Variants in RRAS2 observed in about 807,000 individuals in gnomAD.
RRAS2 encodes the protein RAS related 2.
RRAS2 carries 7 observed loss-of-function variants against 27.6 expected under a neutral mutation model. The ratio of observed to expected loss-of-function variants is 0.25; its 90% CI spans 0.14 to 0.48. RRAS2 has a LOEUF of 0.48. RRAS2 is among the 20% of genes least tolerant of loss of function. RRAS2 has a pLI of 0.99. For missense variants in RRAS2, 178 were observed against 256.2 expected (o/e 0.69, Z 2.08); for synonymous variants, 86 against 90.9 (o/e 0.95, Z 0.31).
intron 1 of RRAS2, among the ~76,000 whole-genome samples, chr11:14,351,831 G>T (rs1554954835): frequency 1.4e-5 from 2 of 147,840 alleles, no homozygotes; most frequent in East Asian, 4.1e-4. Context: ...GGAGGCGGAG[G>T]TTGCAATGAG....
At chr11:14,341,087 A>C (rs1200285613) in intron 1 of RRAS2, among the ~76,000 whole-genome samples, 1 of 152,206 alleles carries the variant, frequency 6.6e-6, no homozygotes, top group African/African-American at 2.4e-5. Flanking sequence ...CCACCAAAAG[A>C]GTGGCAGCAC....
intron 1 of RRAS2, among the ~76,000 whole-genome samples, chr11:14,322,718 T>C (rs1478339834): frequency 1.3e-5 from 2 of 152,214 alleles, no homozygotes; most frequent in Non-Finnish European, 2.9e-5. Flanking sequence ...CTTGAACTTA[T>C]TAGGGAAGTA....
At chr11:14,310,607 C>A (rs1564965242) in intron 1 of RRAS2, among the ~76,000 whole-genome samples, 1 of 152,102 alleles carries the variant, frequency 6.6e-6, no homozygotes, top group South Asian at 2.1e-4. Flanking sequence ...ATGACATTTA[C>A]TATATACCAG....
At chr11:14,306,878 T>G (rs1236258692) in intron 1 of RRAS2, among the ~76,000 whole-genome samples, 1 of 134,514 alleles carries the variant, frequency 7.4e-6, no homozygotes, top group African/African-American at 2.7e-5. Flanking sequence ...CATCATTATT[T>G]TATGTGCCAA....
At position 14,300,604 on chromosome 11, in the gene RRAS2, T is replaced by A. The variant is rs536658055; in HGVS notation, c.109-4749A>T. Among the ~76,000 whole-genome samples, 36 of 152,020 alleles carry A rather than the reference T, an allele frequency of 2.4e-4. 1 individual carries two copies. The South Asian group carries it at 7.5e-3, about 32-fold the overall frequency. On this transcript the variant is annotated intron_variant, in intron 1 of 5. Transcript: ENST00000256196. Reference sequence around the variant, plus strand: ...CCACCCCCGCCTCAAAAAAAATTGATCTGGGTAAGTTTGTCAGAAGCCCCT... The same window carrying A: ...CCACCCCCGCCTCAAAAAAAATTGAACTGGGTAAGTTTGTCAGAAGCCCCT...
At chr11:14,350,714 A>C (rs1848930899) in intron 1 of RRAS2, among the ~76,000 whole-genome samples, 1 of 151,636 alleles carries the variant, frequency 6.6e-6, no homozygotes, top group East Asian at 1.9e-4. Context: ...AAAAATTGCA[A>C]AAAAAAAATC....
At chr11:14,314,114 C>G (rs782772343) in intron 1 of RRAS2, among the ~76,000 whole-genome samples, 16 of 152,176 alleles carry the variant, frequency 1.1e-4, no homozygotes, top group Non-Finnish European at 1.8e-4. Context: ...TGAAACTAGA[C>G]ATGTATTTTC....
chr11:14,359,345 G>A (rs1849157505), upstream of RRAS2, among the ~76,000 whole-genome samples: 1 of 152,276 alleles, frequency 6.6e-6, no homozygotes, highest in African/African-American at 2.4e-5. Context: ...GTGAGAGTGT[G>A]GGAGTGGGTG....
intron 1 of RRAS2, among the ~76,000 whole-genome samples, chr11:14,328,073 G>C (rs1359333143): frequency 1.3e-5 from 2 of 152,106 alleles, no homozygotes; most frequent in African/African-American, 4.8e-5. Context: ...TAACAGTAAA[G>C]AGTGAGAAAA....
intron 1 of RRAS2, chr11:14,336,934 T>C (rs1444193472): frequency 1.3e-5 from 2 of 151,836 alleles, no homozygotes; most frequent in African/African-American, 2.4e-5. Context: ...CCAAGACACA[T>C]CATAATTAAA....
intron 4 of RRAS2, among the ~76,000 whole-genome samples, chr11:14,290,582 C>T (rs868961983): frequency 3.3e-5 from 5 of 152,184 alleles, no homozygotes; most frequent in African/African-American, 1.2e-4. Context: ...GCCCAAGACA[C>T]TTTAGAGAGA....
At chr11:14,296,119 G>T (rs1301074296) in intron 1 of RRAS2, among the ~76,000 whole-genome samples, 1 of 152,024 alleles carries the variant, frequency 6.6e-6, no homozygotes, top group African/African-American at 2.4e-5. Context: ...GGTTGGGGCT[G>T]CAATGAACCA....
intron 1 of RRAS2, among the ~76,000 whole-genome samples, chr11:14,299,291 G>C (rs1233526545): frequency 1.3e-5 from 2 of 152,140 alleles, no homozygotes; most frequent in African/African-American, 4.8e-5. Flanking sequence ...CGACCTCTGG[G>C]ATTTGGTATC....
At chr11:14,283,092 C>G (rs1849583503) in intron 4 of RRAS2, among the ~76,000 whole-genome samples, 1 of 152,130 alleles carries the variant, frequency 6.6e-6, no homozygotes, top group South Asian at 2.1e-4. Flanking sequence ...ACAAAGTTCT[C>G]CACTACTCCC....
rs554042439 is a variant in RRAS2 at position 14,293,663 on chromosome 11, G to A, written c.408+808C>T. 2.6e-3 allele frequency among the ~76,000 whole-genome samples: 401 copies of A among 151,958 alleles called. 1 individual carries two copies. The highest frequency in any genetic ancestry group is 8.5e-3 in the African/African-American group (353 of 41,428). ...TAAGACGTGTCTTTGCTCCTCCTTC[G>A]CCTTCCGCCATGACTGTGAAGTCTC... On this transcript the variant is annotated intron_variant, in intron 4 of 5. Transcript: ENST00000256196.
chr11:14,286,756 TTTA>T (rs1554945097), intron 4 of RRAS2, among the ~76,000 whole-genome samples: 4 of 152,226 alleles, frequency 2.6e-5, no homozygotes, highest in Non-Finnish European at 4.4e-5. Context: ...TATATCTAAG[TTTA>T]TCTAACTTTT....
chr11:14,280,846 A>C (rs1849513835), intron 5 of RRAS2, among the ~76,000 whole-genome samples: 1 of 151,326 alleles, frequency 6.6e-6, no homozygotes. Flanking sequence ...GCCAGGCATC[A>C]AGACCCAAAA....
Position 14,294,532 on chromosome 11 carries a change from T to C in RRAS2, c.347A>G (p.Asp116Gly). 1 of 1,600,430 alleles carries C rather than the reference T, an allele frequency of 6.2e-7. No homozygotes were observed. Among genetic ancestry groups the C allele is most frequent in the Non-Finnish European group, 8.5e-7 (1 of 1,174,842 alleles). ...TAAAATCATTGGGAACTCATCACGATCCTTTACTCTGAGAATCTGTCTTTG... is the reference window on the plus strand; with the variant it reads ...TAAAATCATTGGGAACTCATCACGACCCTTTACTCTGAGAATCTGTCTTTG... ...KFQRQILRVK[D>G]RDEFPMILIG... Residue 116 changes from aspartate to glycine, a missense_variant, in exon 4 of 6, where the codon GAT becomes GGT. Asp to Gly is a moderately conservative substitution (Grantham distance 94). Transcript: ENST00000256196.
intron 1 of RRAS2, among the ~76,000 whole-genome samples, chr11:14,329,367 G>C (rs1360754751): frequency 1.3e-5 from 2 of 152,144 alleles, no homozygotes; most frequent in Admixed American, 1.3e-4. Flanking sequence ...ACCCGCCTCA[G>C]CTTCCCAAAG....
Sources: gnomAD v4.1 joint callset for allele counts (sites outside exome capture counted in the v4.1 genomes callset) on GRCh38, gnomAD v4.1.1 for gene constraint, MANE v1.5 for transcripts, NCBI Gene and HGNC (gene_info 2026-07-23, HGNC 2026-07-21) for gene names.